DLG2: variants seen among roughly 807,000 people sequenced by gnomAD.
The protein encoded by DLG2 is discs large MAGUK scaffold protein 2, also known as disks large homolog 2.
A neutral mutation model predicts 132.5 loss-of-function variants in DLG2; 45 were observed. The ratio of observed to expected loss-of-function variants is 0.34; its 90% CI spans 0.27 to 0.44. DLG2 has a LOEUF of 0.44. Ranked by LOEUF, DLG2 falls within the 20% of genes least tolerant of loss-of-function variation. The probability of loss-of-function intolerance (pLI) is 1.00; values close to 1 mark genes in which losing one functional copy is unlikely to be tolerated. For missense variants in DLG2, 1,045 were observed against 1,196.9 expected, an observed-to-expected ratio of 0.87 and a Z score of 1.87; for synonymous variants, 424 against 419.6, an observed-to-expected ratio of 1.01 and a Z score of -0.13.
At chr11:84,069,470 T>G (rs533414486) in intron 10 of DLG2, among the ~76,000 whole-genome samples, 1 of 152,282 alleles carries the variant, frequency 6.6e-6, no homozygotes, top group African/African-American at 2.4e-5. Context: ...CAGCACTCAT[T>G]TTCTACCTGA....
chr11:85,059,694 A>G (rs1055835591), intron 6 of DLG2, among the ~76,000 whole-genome samples: 1 of 151,780 alleles, frequency 6.6e-6, no homozygotes, highest in East Asian at 1.9e-4. Flanking sequence ...TAGGCATATA[A>G]GTTTCACAGG....
At chr11:85,503,297 G>C (rs184920591) in intron 3 of DLG2, among the ~76,000 whole-genome samples, 132 of 152,100 alleles carry the variant, frequency 8.7e-4, no homozygotes, top group African/African-American at 3.0e-3. Context: ...CCCCTACTTT[G>C]AGCCATCGAC....
chr11:84,499,095 T>C (rs946757444), intron 7 of DLG2, among the ~76,000 whole-genome samples: 1 of 152,240 alleles, frequency 6.6e-6, no homozygotes, highest in African/African-American at 2.4e-5. Context: ...GCAATAATTT[T>C]AACATCTTCC....
chr11:85,505,397 C>A lies in DLG2; in HGVS notation c.40+93260G>T, dbSNP rs57770086. On this transcript the variant is annotated intron_variant, in intron 3 of 27. Transcript: ENST00000376104. ...CTTATTATTTTGAGATATGTCCCAT[C>A]AATATCTAGTTTATTGAGAGTTCTT... Among the ~76,000 whole-genome samples the A allele has an allele frequency of 9.1e-3, 1,392 of 152,178 alleles. 19 individuals carry two copies. The highest frequency in any genetic ancestry group is 0.03 in the African/African-American group (1,244 of 41,536).
chr11:84,242,368 T>TTTTGAC (rs1343587857), intron 8 of DLG2, among the ~76,000 whole-genome samples: 3 of 152,152 alleles, frequency 2.0e-5, no homozygotes, highest in Non-Finnish European at 4.4e-5. Flanking sequence ...TTTGTTTTTG[T>TTTTGAC]TTTGACTTGG....
chr11:85,001,095 G>A (rs989831860), intron 6 of DLG2, among the ~76,000 whole-genome samples: 1 of 151,774 alleles, frequency 6.6e-6, no homozygotes, highest in Non-Finnish European at 1.5e-5. Context: ...CTCAGTTATA[G>A]AAAGAACTTT....
chr11:84,129,089 G>C (rs1425793342), intron 9 of DLG2, among the ~76,000 whole-genome samples: 1 of 152,072 alleles, frequency 6.6e-6, no homozygotes, highest in African/African-American at 2.4e-5. Flanking sequence ...GACCTAAACA[G>C]GCTTTCTTTT....
At chr11:85,012,105 T>C (rs1384831144) in intron 6 of DLG2, among the ~76,000 whole-genome samples, 3 of 149,106 alleles carry the variant, frequency 2.0e-5, no homozygotes, top group Non-Finnish European at 3.0e-5. Flanking sequence ...GCGGATCACC[T>C]GAGGTTGGGA....
chr11:83,775,342 G>A (rs1348672818), intron 18 of DLG2, among the ~76,000 whole-genome samples: 1 of 152,172 alleles, frequency 6.6e-6, no homozygotes, highest in Non-Finnish European at 1.5e-5. Context: ...ACAGGATGGT[G>A]CACGGGTTGT....
At chr11:84,650,849 A>ATGTGTGTG (rs138640341) in intron 6 of DLG2, among the ~76,000 whole-genome samples, 2 of 92,730 alleles carry the variant, frequency 2.2e-5, no homozygotes, top group Admixed American at 9.8e-5. Flanking sequence ...ACTTTCCTGT[A>ATGTGTGTG]TGTGTGTGTG....
chr11:84,955,804 A>G (rs1384776523), intron 6 of DLG2: 1 of 152,216 alleles, frequency 6.6e-6, no homozygotes, highest in Admixed American at 6.5e-5. Context: ...AACAGATGCC[A>G]AATATTCTTA....
At chr11:83,474,066 G>A (rs11603666) in intron 22 of DLG2, among the ~76,000 whole-genome samples, 6,567 of 152,002 alleles carry the variant, frequency 0.043, 149 homozygotes, top group Middle Eastern at 0.085. Context: ...TCAGAATGGC[G>A]CCACCATGCC....
chr11:83,595,803 A>G (rs2057479969), intron 19 of DLG2, among the ~76,000 whole-genome samples: 1 of 152,244 alleles, frequency 6.6e-6, no homozygotes, highest in Non-Finnish European at 1.5e-5. Context: ...ATGGATGACA[A>G]GAGTTTCAAA....
At chr11:83,762,099 T>C (rs1404277397) in intron 18 of DLG2, among the ~76,000 whole-genome samples, 11 of 152,228 alleles carry the variant, frequency 7.2e-5, no homozygotes, top group Non-Finnish European at 1.5e-4. Flanking sequence ...AAATAAGATA[T>C]TGAAGCCAAA....
intron 3 of DLG2, among the ~76,000 whole-genome samples, chr11:85,387,801 G>A (rs1478501796): frequency 1.3e-5 from 2 of 152,110 alleles, no homozygotes; most frequent in East Asian, 3.8e-4. Context: ...GGAAAATCTA[G>A]AGGGGAAAAA....
intron 10 of DLG2, among the ~76,000 whole-genome samples, chr11:84,060,298 C>T (rs951735858): frequency 1.3e-5 from 2 of 151,976 alleles, no homozygotes; most frequent in South Asian, 2.1e-4. Flanking sequence ...GGAGACAGAG[C>T]GAGACTCCAT....
intron 9 of DLG2, among the ~76,000 whole-genome samples, chr11:84,124,776 T>C (rs777750575): frequency 6.6e-6 from 1 of 151,922 alleles, no homozygotes; most frequent in African/African-American, 2.4e-5. Flanking sequence ...ACATGGCACT[T>C]AAATAGTGCC....
At chr11:84,032,689 A>G (rs1334564988) in intron 11 of DLG2, among the ~76,000 whole-genome samples, 3 of 152,220 alleles carry the variant, frequency 2.0e-5, no homozygotes, top group Non-Finnish European at 4.4e-5. Context: ...ACAGCCTTGT[A>G]TTGGAAGAAG....
At chr11:84,594,997 T>C (rs1004086238) in intron 6 of DLG2, among the ~76,000 whole-genome samples, 4 of 152,188 alleles carry the variant, frequency 2.6e-5, no homozygotes, top group Admixed American at 6.5e-5. Context: ...TAGATGACCT[T>C]TCATGCAAAA....
Sources: gnomAD v4.1 joint callset for allele counts (sites outside exome capture counted in the v4.1 genomes callset) on GRCh38, gnomAD v4.1.1 for gene constraint, MANE v1.5 for transcripts, NCBI Gene and HGNC (gene_info 2026-07-23, HGNC 2026-07-21) for gene names.